Variants in SUSD4 observed in about 807,000 individuals in gnomAD.
SUSD4 encodes the protein sushi domain-containing protein 4.
In SUSD4, 41 loss-of-function variants were observed where a neutral mutation model predicts 50.5. That is an observed-to-expected ratio of 0.81 (90% CI 0.63 to 1.05). The LOEUF is 1.05. SUSD4 is among the 50% of genes least tolerant of loss of function. The pLI is 0.00. For missense variants in SUSD4, 580 were observed against 634.7 expected (o/e 0.91, Z 0.93); for synonymous variants, 257 against 257.3 (o/e 1.00, Z 0.01).
At chr1:223,240,546 A>G (rs760265868) in intron 5 of SUSD4, among the ~76,000 whole-genome samples, 7 of 152,070 alleles carry the variant, frequency 4.6e-5, no homozygotes, top group Non-Finnish European at 8.8e-5. Flanking sequence ...TCAAGCTCAG[A>G]GATTCTTTAC....
chr1:223,360,442 G>A (rs1303359508), intron 2 of SUSD4: 4 of 254,084 alleles, frequency 1.6e-5, no homozygotes, highest in African/African-American at 9.3e-5. Flanking sequence ...CCCCAAATGA[G>A]GGCACTCTTC....
chr1:223,309,587 TGG>T (rs2103208303), intron 2 of SUSD4, among the ~76,000 whole-genome samples: 1 of 152,286 alleles, frequency 6.6e-6, no homozygotes, highest in South Asian at 2.1e-4. Context: ...CCCAAGATGC[TGG>T]CTAGATTATA....
chr1:223,360,522 G>T (rs1452007969), intron 2 of SUSD4, among the ~76,000 whole-genome samples: 3 of 152,150 alleles, frequency 2.0e-5, no homozygotes, highest in Non-Finnish European at 4.4e-5. Flanking sequence ...GCTCATAAAA[G>T]CTTCCCTAGG....
rs1660183973 is a variant in SUSD4 at position 223,235,858 on chromosome 1, T to C, written c.725-6470A>G. Among the ~76,000 whole-genome samples the C allele has an allele frequency of 2.6e-5, 4 of 152,218 alleles. No homozygotes were observed. In the South Asian group the frequency reaches 8.3e-4, roughly 32 times the overall value. ...CAGGTTTTGGTGTGGACATAAGTTTTCAGTTTCTTTGGGTAAATACCAAGG... is the reference window on the plus strand; with the variant it reads ...CAGGTTTTGGTGTGGACATAAGTTTCCAGTTTCTTTGGGTAAATACCAAGG... On this transcript the variant is annotated intron_variant, in intron 5 of 8. Transcript: ENST00000366878.
At chr1:223,339,817 G>A (rs1381332470) in intron 2 of SUSD4, among the ~76,000 whole-genome samples, 1 of 152,180 alleles carries the variant, frequency 6.6e-6, no homozygotes, top group African/African-American at 2.4e-5. Flanking sequence ...AGAAGGCTGG[G>A]CCCCGGCTCC....
At chr1:223,275,856 A>G (rs1663226270) in intron 3 of SUSD4, among the ~76,000 whole-genome samples, 2 of 152,248 alleles carry the variant, frequency 1.3e-5, no homozygotes, top group Admixed American at 6.5e-5. Context: ...GCGCTGGCCC[A>G]TCTCTTAGCA....
intron 3 of SUSD4, among the ~76,000 whole-genome samples, chr1:223,281,403 G>GA (rs1663717167): frequency 6.6e-6 from 1 of 151,988 alleles, no homozygotes; most frequent in African/African-American, 2.4e-5. Flanking sequence ...TGATAAAGGG[G>GA]ATATCACCAC....
chr1:223,255,830 C>T (rs1661649877), intron 5 of SUSD4, among the ~76,000 whole-genome samples: 2 of 152,198 alleles, frequency 1.3e-5, no homozygotes, highest in African/African-American at 2.4e-5. Flanking sequence ...GGCAGGATCA[C>T]GGATAAGCCT....
chr1:223,282,304 T>G (rs570607066), intron 3 of SUSD4, among the ~76,000 whole-genome samples: 1 of 152,202 alleles, frequency 6.6e-6, no homozygotes, highest in African/African-American at 2.4e-5. Context: ...AAATTGTCCC[T>G]GTTTGCAGAT....
chr1:223,229,305 C>T lies in SUSD4; in HGVS notation c.808G>A (p.Val270Met), dbSNP rs1659737279. ...TAGCCAGGATCGCAGTAAAACTCCA[C>T]CACAGTTCCGTGGTTGTAGCGCTCA... ...PCERYNHGTV[V>M]EFYCDPGYSL... Residue 270 changes from valine (V) to methionine (M), a missense_variant, in exon 6 of 9, where the codon GTG (valine) becomes ATG (methionine). By Grantham distance (21) the Val-to-Met change is conservative. Coordinates refer to ENST00000366878, the MANE Select transcript of SUSD4 (RefSeq NM_017982.4). This position sits in a 1 kb window ranked among gnomAD's most constrained non-coding sequence, Gnocchi z 4.7. 1.1e-5 allele frequency: 18 copies of T among 1,613,028 alleles called. No individual in the cohort carries two copies. Among genetic ancestry groups the T allele is most frequent in the Non-Finnish European group, 1.4e-5 (16 of 1,179,244 alleles).
At chr1:223,222,249 A>G in intron 8 of SUSD4, 29 bp from the exon 9 acceptor site, 2 of 1,609,620 alleles carry the variant, frequency 1.2e-6, no homozygotes, top group Non-Finnish European at 1.7e-6. Flanking sequence ...TTATTAGCTT[A>G]ACATAACCAG....
At chr1:223,292,698 A>C in intron 2 of SUSD4, 47 bp from the exon 3 acceptor site, 1 of 1,594,196 alleles carries the variant, frequency 6.3e-7, no homozygotes, top group Non-Finnish European at 8.6e-7. Context: ...ATGTTCTCTC[A>C]ATGCCAAGGG....
At chr1:223,358,742 A>C (rs1234901866) in intron 2 of SUSD4, 1 of 155,502 alleles carries the variant, frequency 6.4e-6, no homozygotes, top group Admixed American at 6.4e-5. Flanking sequence ...GATTTTACCC[A>C]CTGGATAAAT....
At chr1:223,240,140 A>C (rs1660481498) in intron 5 of SUSD4, among the ~76,000 whole-genome samples, 1 of 152,026 alleles carries the variant, frequency 6.6e-6, no homozygotes, top group South Asian at 2.1e-4. Flanking sequence ...TCTGAGAAGA[A>C]GTCAGATATA....
At chr1:223,339,929 A>T (rs916756418) in intron 2 of SUSD4, among the ~76,000 whole-genome samples, 3 of 152,168 alleles carry the variant, frequency 2.0e-5, no homozygotes, top group South Asian at 2.1e-4. Flanking sequence ...TGCCAAGTTG[A>T]AGAAAAGGGG....
rs578193663 is a variant in SUSD4 at position 223,223,447 on chromosome 1, C to T, written c.1246G>A (p.Gly416Ser). The change falls in exon 8 of 9, where the codon GGC (glycine) becomes AGC (serine). Residue 416 changes from glycine (G) to serine (S), a missense_variant. Transcript: ENST00000366878. ...GGGCCTGTGTCCGTGTCCCCTGAGCCGGGGTATGCTGGGGGGCTCTGGTCG... is the reference window on the plus strand; with the variant it reads ...GGGCCTGTGTCCGTGTCCCCTGAGCTGGGGTATGCTGGGGGGCTCTGGTCG... ...VDDQSPPAYPGSGDTDTGPGE... is the reference protein window; with the variant it reads ...VDDQSPPAYPSSGDTDTGPGE... The T allele has an allele frequency of 2.7e-5, 44 of 1,614,014 alleles. 1 individual carries two copies. The South Asian group carries it at 3.5e-4, about 13-fold the overall frequency.
chr1:223,299,914 T>A (rs543279120), intron 2 of SUSD4, among the ~76,000 whole-genome samples: 26 of 152,188 alleles, frequency 1.7e-4, no homozygotes, highest in Non-Finnish European at 3.5e-4. Flanking sequence ...CTCCTGGGTC[T>A]CCAAGGAGAT....
chr1:223,303,843 G>C (rs1665344414), intron 2 of SUSD4, among the ~76,000 whole-genome samples: 1 of 152,202 alleles, frequency 6.6e-6, no homozygotes, highest in African/African-American at 2.4e-5. Context: ...ACAGTATACA[G>C]AGATAAGAAT....
Position 223,332,744 on chromosome 1 carries a change from G to A in SUSD4, c.148+30534C>T, listed in dbSNP as rs1012380433. On this transcript the variant is annotated intron_variant, in intron 2 of 8. Transcript: ENST00000366878. The surrounding 1 kb of genome is among the most constrained non-coding windows in gnomAD (Gnocchi z 4.0). ...TGTGTCACAGGGAAACGGAACCAGG[G>A]GTAAAACTTCCTGCTGAGGCTCGGA... is the stretch of plus-strand genomic sequence containing the variant. Among the ~76,000 whole-genome samples, 1 of 152,058 alleles carries A rather than the reference G, an allele frequency of 6.6e-6. No homozygotes were observed. Among genetic ancestry groups the A allele is most frequent in the African/African-American group, 2.4e-5 (1 of 41,378 alleles).
Sources: allele counts gnomAD v4.1 joint callset (sites outside exome capture counted in the v4.1 genomes callset), GRCh38; gene constraint gnomAD v4.1.1; non-coding constraint Gnocchi (gnomAD v3.1); transcripts MANE v1.5; gene names NCBI Gene and HGNC (gene_info 2026-07-23, HGNC 2026-07-21).